Variants in SSBP2 observed in about 807,000 individuals in gnomAD.
SSBP2 encodes the protein single-stranded DNA-binding protein 2.
Under a neutral mutation model 61.8 loss-of-function variants are expected in SSBP2, and 17 were observed. That is an observed-to-expected ratio of 0.28 (90% CI 0.19 to 0.41). SSBP2 has a LOEUF of 0.41. Among genes scored for constraint, SSBP2 ranks in the 10% least tolerant of loss-of-function variants. The pLI is 1.00. For missense variants in SSBP2, 310 were observed against 458.7 expected (o/e 0.68, Z 2.96); for synonymous variants, 139 against 141.3 (o/e 0.98, Z 0.12).
rs552485643 is a variant in SSBP2 at position 81,447,675 on chromosome 5, G to A, written c.724-753C>T. Among the ~76,000 whole-genome samples the A allele has an allele frequency of 2.0e-5, 3 of 152,184 alleles. No homozygotes were observed. In the East Asian group the frequency reaches 5.8e-4, roughly 29 times the overall value. ...ATACAGCCTGCCAATTATTTCAGAC[G>A]AGATCGGGCACATTCAGGGTGGTAT... On this transcript the variant is annotated intron_variant, in intron 11 of 16. Transcript: ENST00000320672.
intron 1 of SSBP2, among the ~76,000 whole-genome samples, chr5:81,673,715 T>G (rs143177078): frequency 5.4e-4 from 82 of 152,316 alleles, no homozygotes; most frequent in African/African-American, 1.9e-3. Flanking sequence ...CCCAAATACT[T>G]AATAGGTTGT....
chr5:81,670,233 T>C (rs1213782074), intron 1 of SSBP2, among the ~76,000 whole-genome samples: 1 of 152,172 alleles, frequency 6.6e-6, no homozygotes, highest in African/African-American at 2.4e-5. Context: ...GTGGGGGATG[T>C]TGATAAACGT....
Position 81,629,857 on chromosome 5 carries a change from T to C in SSBP2, c.197+6700A>G, listed in dbSNP as rs573247195. Reference sequence around the variant, plus strand: ...CCTTTTGTGTGTCCGTGTGTGTGTCTGGTAAGAACATTTAAGATCTACTCT... The same window carrying C: ...CCTTTTGTGTGTCCGTGTGTGTGTCCGGTAAGAACATTTAAGATCTACTCT... On this transcript the variant is annotated intron_variant, in intron 3 of 16. Transcript: ENST00000320672. 2.6e-5 allele frequency among the ~76,000 whole-genome samples: 4 copies of C among 152,250 alleles called. No homozygotes were observed. The East Asian group carries it at 7.7e-4, about 29-fold the overall frequency.
chr5:81,514,817 T>C (rs182289191), intron 4 of SSBP2, among the ~76,000 whole-genome samples: 1 of 152,028 alleles, frequency 6.6e-6, no homozygotes, highest in Non-Finnish European at 1.5e-5. Flanking sequence ...GTACTGACAG[T>C]TGTTAATAAT....
chr5:81,516,707 A>G (rs1769046841), intron 4 of SSBP2, among the ~76,000 whole-genome samples: 1 of 152,110 alleles, frequency 6.6e-6, no homozygotes, highest in Non-Finnish European at 1.5e-5. Context: ...TCAGCATTGT[A>G]AAAGAGTATA....
intron 1 of SSBP2, among the ~76,000 whole-genome samples, chr5:81,733,728 G>C (rs887953547): frequency 1.3e-5 from 2 of 151,978 alleles, no homozygotes; most frequent in African/African-American, 4.8e-5. Context: ...GCCATAGTTA[G>C]ACAGTACTGT....
At chr5:81,709,379 TA>T (rs1754617347) in intron 1 of SSBP2, among the ~76,000 whole-genome samples, 1 of 152,044 alleles carries the variant, frequency 6.6e-6, no homozygotes, top group African/African-American at 2.4e-5. Context: ...TTCCATATTT[TA>T]CCCCTTCCCC....
intron 2 of SSBP2, among the ~76,000 whole-genome samples, chr5:81,637,953 G>A (rs1162605033): frequency 4.6e-5 from 7 of 152,134 alleles, no homozygotes; most frequent in Non-Finnish European, 1.0e-4. Context: ...GTCCTTTGTA[G>A]GGACATGGAT....
chr5:81,732,125 A>T (rs1031746063), intron 1 of SSBP2, among the ~76,000 whole-genome samples: 1 of 152,158 alleles, frequency 6.6e-6, no homozygotes, highest in African/African-American at 2.4e-5. Flanking sequence ...AATCAAAACC[A>T]TAATTACATT....
chr5:81,507,047 C>A (rs572441905), intron 5 of SSBP2, among the ~76,000 whole-genome samples: 8 of 151,590 alleles, frequency 5.3e-5, no homozygotes, highest in Non-Finnish European at 1.0e-4. Context: ...TTTCTTATTG[C>A]GTTATTACTA....
chr5:81,446,619 T>G (rs975161345), intron 12 of SSBP2, among the ~76,000 whole-genome samples: 3 of 152,198 alleles, frequency 2.0e-5, no homozygotes, highest in African/African-American at 4.8e-5. Context: ...GACACATTTT[T>G]GGGCAATTCA....
At chr5:81,684,074 T>C (rs1752594817) in intron 1 of SSBP2, among the ~76,000 whole-genome samples, 1 of 152,198 alleles carries the variant, frequency 6.6e-6, no homozygotes, top group South Asian at 2.1e-4. Flanking sequence ...ATTCTTAACA[T>C]ACAATCCAGC....
chr5:81,461,968 G>A (rs1246729244), intron 9 of SSBP2, among the ~76,000 whole-genome samples: 1 of 152,040 alleles, frequency 6.6e-6, no homozygotes, highest in Non-Finnish European at 1.5e-5. Flanking sequence ...TCTAATTAGG[G>A]TCATTTAAAA....
At chr5:81,607,394 T>G (rs1017797987) in intron 4 of SSBP2, among the ~76,000 whole-genome samples, 2 of 152,190 alleles carry the variant, frequency 1.3e-5, no homozygotes, top group Non-Finnish European at 2.9e-5. Flanking sequence ...CCAGCCATTC[T>G]TTCATCAAAT....
chr5:81,566,975 G>C (rs1368258632), intron 4 of SSBP2, among the ~76,000 whole-genome samples: 1 of 152,212 alleles, frequency 6.6e-6, no homozygotes, highest in Non-Finnish European at 1.5e-5. Flanking sequence ...AAGCATTCAA[G>C]AGGTGACTTG....
chr5:81,559,546 A>G (rs1189532947), intron 4 of SSBP2, among the ~76,000 whole-genome samples: 1 of 151,806 alleles, frequency 6.6e-6, no homozygotes, highest in Non-Finnish European at 1.5e-5. Context: ...ACAAAAAAGG[A>G]AAAAAAATTA....
At chr5:81,494,496 G>T (rs1407702020) in intron 5 of SSBP2, among the ~76,000 whole-genome samples, 1 of 152,126 alleles carries the variant, frequency 6.6e-6, no homozygotes, top group East Asian at 1.9e-4. Flanking sequence ...CATGAGGGTG[G>T]AGCCTTCATG....
In SSBP2 at chr5:81,538,689, A is replaced by G. The variant is rs184648049; in HGVS notation, c.283-24972T>C. Among the ~76,000 whole-genome samples the G allele has an allele frequency of 3.6e-3, 551 of 152,330 alleles. 4 individuals are homozygous for G. Among genetic ancestry groups the G allele is most frequent in the African/African-American group, 0.013 (526 of 41,572 alleles). On this transcript the variant is annotated intron_variant, in intron 4 of 16. Coordinates refer to ENST00000320672, the MANE Select transcript of SSBP2 (RefSeq NM_012446.5). ...TTTAAGCTGAAGCCAATGCTCATTT[A>G]CCATTCTGAAAATCCTATGGCCCTT...
intron 9 of SSBP2, among the ~76,000 whole-genome samples, chr5:81,465,918 A>G (rs917291547): frequency 2.0e-5 from 3 of 152,032 alleles, no homozygotes; most frequent in African/African-American, 7.2e-5. Flanking sequence ...TTTTAAGCCT[A>G]GCTGGTACCC....
Sources: gnomAD v4.1 joint callset for allele counts (sites outside exome capture counted in the v4.1 genomes callset) on GRCh38, gnomAD v4.1.1 for gene constraint, MANE v1.5 for transcripts, NCBI Gene and HGNC (gene_info 2026-07-23, HGNC 2026-07-21) for gene names.